The following THSD4 variants were observed in gnomAD, a reference collection of about 807,000 sequenced individuals.
THSD4 encodes thrombospondin type 1 domain containing 4, also known as thrombospondin type-1 domain-containing protein 4.
In THSD4, 69 loss-of-function variants were observed where a neutral mutation model predicts 119.0. The ratio of observed to expected loss-of-function variants is 0.58; its 90% CI spans 0.48 to 0.71. The LOEUF is 0.71. THSD4 is among the 30% of genes least tolerant of loss of function. The probability of loss-of-function intolerance (pLI) is 0.00; values close to 1 mark genes in which losing one functional copy is unlikely to be tolerated. For synonymous variants in THSD4, 524 were observed against 540.4 expected (o/e 0.97, Z 0.42); for missense variants, 1,393 against 1,391.1 (o/e 1.00, Z -0.02).
At chr15:71,140,712 T>G (rs1249851850) in intron 1 of THSD4, among the ~76,000 whole-genome samples, 1 of 152,234 alleles carries the variant, frequency 6.6e-6, no homozygotes, top group African/African-American at 2.4e-5. Flanking sequence ...TATTGAGATA[T>G]AATTTATTTC....
intron 6 of THSD4, among the ~76,000 whole-genome samples, chr15:71,335,878 A>G (rs1412495411): frequency 6.6e-6 from 1 of 152,132 alleles, no homozygotes; most frequent in African/African-American, 2.4e-5. Context: ...CCCCAAACAG[A>G]TGCTGGAGAT....
chr15:71,340,092 C>T (rs140878679), intron 6 of THSD4, among the ~76,000 whole-genome samples: 12 of 152,206 alleles, frequency 7.9e-5, no homozygotes, highest in South Asian at 2.1e-4. Context: ...GATGTTGATC[C>T]GAATTTCTAG....
chr15:71,526,106 T>A (rs555059988), intron 7 of THSD4, among the ~76,000 whole-genome samples: 2 of 152,330 alleles, frequency 1.3e-5, no homozygotes, highest in African/African-American at 4.8e-5. Context: ...ATTTTCCCCC[T>A]GTAGGCTGGG....
At chr15:71,421,317 T>A (rs879893404) in intron 7 of THSD4, among the ~76,000 whole-genome samples, 5,260 of 77,516 alleles carry the variant, frequency 0.068, 300 homozygotes, top group East Asian at 0.087. Flanking sequence ...TTCTAGTCTC[T>A]TTCTACTCCC....
At chr15:71,277,645 G>A (rs575389409) in intron 6 of THSD4, among the ~76,000 whole-genome samples, 2 of 152,290 alleles carry the variant, frequency 1.3e-5, no homozygotes, top group South Asian at 4.1e-4. Context: ...ATTACTACGT[G>A]TGACATACAT....
At chr15:71,128,906 A>G (rs1449005660) in intron 1 of THSD4, among the ~76,000 whole-genome samples, 4 of 152,236 alleles carry the variant, frequency 2.6e-5, no homozygotes, top group Non-Finnish European at 4.4e-5. Flanking sequence ...CTGATTTTTG[A>G]CAAAGGTGCA....
rs1178722631 is a variant in THSD4 at position 71,256,653 on chromosome 15, G to A, written c.953G>A (p.Cys318Tyr). 1 of 1,614,112 alleles carries A rather than the reference G, an allele frequency of 6.2e-7. No individual in the cohort carries two copies. ...ESSRSIREVQ[C>Y]ASYNNKPFMG... ...AGTAGAAGTATCCGGGAGGTACAGTGTGCATCCTACAACAACAAGCCATTC... is the reference window on the plus strand; with the variant it reads ...AGTAGAAGTATCCGGGAGGTACAGTATGCATCCTACAACAACAAGCCATTC... Residue 318 changes from cysteine (C) to tyrosine (Y), a missense_variant, in exon 6 of 18, where the codon TGT becomes TAT. Cys to Tyr is a radical substitution (Grantham distance 194). Transcript: ENST00000261862.
intron 7 of THSD4, among the ~76,000 whole-genome samples, chr15:71,574,072 A>G (rs547511816): frequency 6.6e-6 from 1 of 152,330 alleles, no homozygotes; most frequent in Admixed American, 6.5e-5. Context: ...GAACTTCTCT[A>G]GCTCACTACT....
At chr15:71,583,261 T>C (rs2049593810) in intron 7 of THSD4, among the ~76,000 whole-genome samples, 2 of 152,152 alleles carry the variant, frequency 1.3e-5, no homozygotes, top group Non-Finnish European at 1.5e-5. Flanking sequence ...TCAGTTATAA[T>C]CTCTCCGCTT....
intron 6 of THSD4, among the ~76,000 whole-genome samples, chr15:71,282,591 C>G (rs190599831): frequency 3.9e-5 from 6 of 152,262 alleles, no homozygotes; most frequent in Admixed American, 2.6e-4. Context: ...TAGGCCAACA[C>G]CCACAGTTAA....
intron 6 of THSD4, among the ~76,000 whole-genome samples, chr15:71,324,655 CTGAG>C (rs2045316920): frequency 6.6e-6 from 1 of 152,208 alleles, no homozygotes; most frequent in African/African-American, 2.4e-5. Context: ...TCTTTTATGG[CTGAG>C]TACTATTCCG....
chr15:71,300,042 C>CA (rs1356928915), intron 6 of THSD4, among the ~76,000 whole-genome samples: 1 of 147,506 alleles, frequency 6.8e-6, no homozygotes, highest in African/African-American at 2.5e-5. Context: ...TCCCAGTGAC[C>CA]CAGGAGGCTG....
At chr15:71,507,338 G>T (rs1298172308) in intron 7 of THSD4, among the ~76,000 whole-genome samples, 1 of 152,156 alleles carries the variant, frequency 6.6e-6, no homozygotes, top group Non-Finnish European at 1.5e-5. Flanking sequence ...TATATTCCAG[G>T]AACCAATTTG....
chr15:71,675,115 C>A (rs1320368258), intron 8 of THSD4, among the ~76,000 whole-genome samples: 2 of 152,122 alleles, frequency 1.3e-5, no homozygotes, highest in African/African-American at 4.8e-5. Context: ...TCACTCAGTT[C>A]TTGGTAGTGG....
intron 8 of THSD4, among the ~76,000 whole-genome samples, chr15:71,661,634 G>C (rs2051310978): frequency 2.0e-5 from 3 of 152,060 alleles, no homozygotes; most frequent in South Asian, 4.2e-4. Flanking sequence ...GGCCTCAAGT[G>C]GTCTGCCCAC....
At chr15:71,562,698 C>CCT (rs1555426936) in intron 7 of THSD4, among the ~76,000 whole-genome samples, 1 of 125,282 alleles carries the variant, frequency 8.0e-6, no homozygotes, top group Non-Finnish European at 1.6e-5. Flanking sequence ...ACCTTTGGTC[C>CCT]TTTTTTTTTT....
At chr15:71,118,883 C>T (rs1177699518) in intron 1 of THSD4, among the ~76,000 whole-genome samples, 2 of 152,188 alleles carry the variant, frequency 1.3e-5, no homozygotes, top group African/African-American at 2.4e-5. Flanking sequence ...TTGGGATCCC[C>T]CAATTTTACT....
chr15:71,307,279 G>A (rs1568011), intron 6 of THSD4, among the ~76,000 whole-genome samples: 104,590 of 152,014 alleles, frequency 0.69, 36,250 homozygotes, highest in East Asian at 0.85. Flanking sequence ...TAGTTATGGC[G>A]GTGGCTGTGT....
At chr15:71,397,223 T>C (rs1184122418) in intron 6 of THSD4, among the ~76,000 whole-genome samples, 1 of 152,190 alleles carries the variant, frequency 6.6e-6, no homozygotes, top group African/African-American at 2.4e-5. Flanking sequence ...CCTGGAATGT[T>C]CCTCCTTCCT....
Sources: allele counts gnomAD v4.1 joint callset (sites outside exome capture counted in the v4.1 genomes callset), GRCh38; gene constraint gnomAD v4.1.1; transcripts MANE v1.5; gene names NCBI Gene and HGNC (gene_info 2026-07-23, HGNC 2026-07-21).